OXR1: variants seen among roughly 807,000 people sequenced by gnomAD.
OXR1 encodes the protein oxidation resistance protein 1.
Under a neutral mutation model 104.6 loss-of-function variants are expected in OXR1, and 41 were observed. That is an observed-to-expected ratio of 0.39 (90% CI 0.31 to 0.51). The LOEUF (loss-of-function observed/expected upper bound fraction) is 0.51. Ranked by LOEUF, OXR1 falls within the 20% of genes least tolerant of loss-of-function variation. The pLI is 0.77. For synonymous variants in OXR1, 348 were observed against 348.4 expected (o/e 1.00, Z 0.01); for missense variants, 955 against 1,031.9 (o/e 0.93, Z 1.02).
intron 3 of OXR1, among the ~76,000 whole-genome samples, chr8:106,569,908 T>A (rs1817354188): frequency 6.6e-6 from 1 of 152,190 alleles, no homozygotes. Flanking sequence ...TGGGAGCTGT[T>A]TTCCTAAGGT....
chr8:106,286,009 G>T (rs1812486762), intron 1 of OXR1, among the ~76,000 whole-genome samples: 1 of 149,122 alleles, frequency 6.7e-6, no homozygotes, highest in Non-Finnish European at 1.5e-5. Context: ...GGGCTAATGT[G>T]ACCTATCCAG....
intron 2 of OXR1, among the ~76,000 whole-genome samples, chr8:106,493,790 A>G (rs564740177): frequency 6.6e-6 from 1 of 152,308 alleles, no homozygotes; most frequent in South Asian, 2.1e-4. Context: ...ATATTGAAAG[A>G]AAAATGGAGC....
intron 2 of OXR1, among the ~76,000 whole-genome samples, chr8:106,471,104 A>G (rs1013054046): frequency 2.6e-5 from 4 of 151,700 alleles, no homozygotes; most frequent in Non-Finnish European, 4.4e-5. Flanking sequence ...TGGCTGGGGA[A>G]GTGGGATCAA....
chr8:106,430,710 T>C (rs544536656), intron 2 of OXR1, among the ~76,000 whole-genome samples: 1 of 152,300 alleles, frequency 6.6e-6, no homozygotes, highest in Non-Finnish European at 1.5e-5. Flanking sequence ...AACTCTCTAG[T>C]ACCAGTGGAT....
intron 1 of OXR1, among the ~76,000 whole-genome samples, chr8:106,351,943 A>G (rs1305764769): frequency 6.6e-6 from 1 of 152,224 alleles, no homozygotes; most frequent in Non-Finnish European, 1.5e-5. Flanking sequence ...CCAAGCTCAC[A>G]GTTACCAATA....
chr8:106,552,863 A>G (rs1056793280), intron 3 of OXR1, among the ~76,000 whole-genome samples: 2 of 152,190 alleles, frequency 1.3e-5, no homozygotes, highest in African/African-American at 4.8e-5. Flanking sequence ...AGTTTACTTA[A>G]ATCCACATGT....
intron 3 of OXR1, among the ~76,000 whole-genome samples, chr8:106,588,005 G>C (rs917383099): frequency 1.3e-5 from 2 of 151,348 alleles, no homozygotes; most frequent in Non-Finnish European, 2.9e-5. Context: ...AGGCTGGAGT[G>C]CAGTGGCACA....
chr8:106,487,058 C>T (rs900178443), intron 2 of OXR1, among the ~76,000 whole-genome samples: 3 of 142,680 alleles, frequency 2.1e-5, no homozygotes, highest in African/African-American at 7.9e-5. Flanking sequence ...GTGTCTCACT[C>T]TGTCACCCAG....
chr8:106,346,105 CTA>C (rs372797288), intron 1 of OXR1, among the ~76,000 whole-genome samples: 1 of 55,892 alleles, frequency 1.8e-5, no homozygotes, highest in Non-Finnish European at 4.3e-5. Flanking sequence ...TCCACCCCCC[CTA>C]CCGCCGCCAG....
At chr8:106,547,492 C>CTTTTTTTTTTTT (rs60073341) in intron 3 of OXR1, among the ~76,000 whole-genome samples, 6 of 116,614 alleles carry the variant, frequency 5.1e-5, no homozygotes, top group African/African-American at 6.5e-5. Flanking sequence ...TTCTTTCTTT[C>CTTTTTTTTTTTT]TTTTTTTTTT....
Position 106,591,202 on chromosome 8 carries a change from C to A in OXR1, c.220+72063C>A, listed in dbSNP as rs575114544. ...TATCGCAAGGACAAAAAACCAAACACCACATGTTCTCACTCATAGGTGGGA... is the reference window on the plus strand; with the variant it reads ...TATCGCAAGGACAAAAAACCAAACAACACATGTTCTCACTCATAGGTGGGA... On this transcript the variant is annotated intron_variant, in intron 3 of 16. Coordinates refer to ENST00000517566, the MANE Select transcript of OXR1 (RefSeq NM_001198533.2). 5.4e-5 allele frequency among the ~76,000 whole-genome samples: 8 copies of A among 147,430 alleles called. No individual in the cohort carries two copies. The South Asian group carries it at 1.5e-3, about 28-fold the overall frequency.
chr8:106,646,014 T>C (rs966907783), intron 3 of OXR1, among the ~76,000 whole-genome samples: 1 of 152,144 alleles, frequency 6.6e-6, no homozygotes, highest in Non-Finnish European at 1.5e-5. Flanking sequence ...ACCTAACTAC[T>C]GGTTACAGGT....
chr8:106,645,977 C>T (rs1824041437), intron 3 of OXR1, among the ~76,000 whole-genome samples: 1 of 152,148 alleles, frequency 6.6e-6, no homozygotes, highest in Non-Finnish European at 1.5e-5. Flanking sequence ...TTTCCCCCAA[C>T]AGAAGGAACA....
intron 2 of OXR1, among the ~76,000 whole-genome samples, chr8:106,471,816 C>T (rs1208700290): frequency 1.3e-5 from 2 of 151,638 alleles, no homozygotes; most frequent in Non-Finnish European, 2.9e-5. Flanking sequence ...TGGTCTTTAC[C>T]ATTTTATTTT....
chr8:106,533,769 C>T (rs1229055785), intron 3 of OXR1, among the ~76,000 whole-genome samples: 2 of 145,554 alleles, frequency 1.4e-5, no homozygotes, highest in Non-Finnish European at 3.0e-5. Context: ...GGCTGGAGTA[C>T]AATGGCACAA....
At chr8:106,340,158 G>T (rs965334226) in intron 1 of OXR1, among the ~76,000 whole-genome samples, 1 of 149,620 alleles carries the variant, frequency 6.7e-6, no homozygotes, top group Non-Finnish European at 1.5e-5. Flanking sequence ...TCCGGTTTTT[G>T]TACTATAGTG....
chr8:106,378,410 G>C (rs1404104663), intron 2 of OXR1, among the ~76,000 whole-genome samples: 2 of 152,144 alleles, frequency 1.3e-5, no homozygotes, highest in East Asian at 3.9e-4. Context: ...CTGTCATCTC[G>C]TTGCTTCCCC....
Position 106,692,711 on chromosome 8 carries a change from T to TA in OXR1, c.526-17_526-16insA. 1.6e-5 allele frequency: 22 copies of TA among 1,408,430 alleles called. No individual in the cohort carries two copies. Among genetic ancestry groups the TA allele is most frequent in the East Asian group, 2.4e-5 (1 of 40,974 alleles). The allele number at this position is 1,408,430 out of a possible 1,614,324, so 87.2% of individuals were successfully genotyped here. A position where few individuals can be genotyped will look rare whatever the true frequency, so the allele number is the denominator to read the frequency against. ...TTTTCTGCTTTTTTTTTTCTTTCCT[T>TA]TAAAAAAAAAAAAAAGAATCCTGAT... is the stretch of plus-strand genomic sequence containing the variant. On this transcript the variant is annotated splice_polypyrimidine_tract_variant and intron_variant, in intron 6 of 16. Coordinates refer to ENST00000517566, the MANE Select transcript of OXR1 (RefSeq NM_001198533.2).
At chr8:106,379,861 G>A (rs911659320) in intron 2 of OXR1, among the ~76,000 whole-genome samples, 1 of 151,898 alleles carries the variant, frequency 6.6e-6, no homozygotes, top group Non-Finnish European at 1.5e-5. Flanking sequence ...GATTCTTCAT[G>A]TTTAAAGTAC....
Sources: allele counts gnomAD v4.1 joint callset (sites outside exome capture counted in the v4.1 genomes callset), GRCh38; gene constraint gnomAD v4.1.1; transcripts MANE v1.5; gene names NCBI Gene and HGNC (gene_info 2026-07-23, HGNC 2026-07-21).